Variants in TRERF1 observed in about 807,000 individuals in gnomAD.
TRERF1 encodes the protein transcriptional regulating factor 1.
A neutral mutation model predicts 122.9 loss-of-function variants in TRERF1; 27 were observed. The observed-to-expected ratio is 0.22, with a 90% CI of 0.16 to 0.30. TRERF1 has a LOEUF of 0.30. Ranked by LOEUF, TRERF1 falls within the 10% of genes least tolerant of loss-of-function variation. The probability of loss-of-function intolerance (pLI) is 1.00; values close to 1 mark genes in which losing one functional copy is unlikely to be tolerated. For missense variants in TRERF1, 1,248 were observed against 1,560.3 expected (o/e 0.80, Z 3.37); for synonymous variants, 636 against 641.7 (o/e 0.99, Z 0.13).
At chr6:42,264,892 G>A (rs1166899871) in intron 6 of TRERF1, 38 bp from the exon 7 acceptor site, 4 of 1,606,988 alleles carry the variant, frequency 2.5e-6, no homozygotes, top group African/African-American at 1.3e-5. Context: ...GGACACATAC[G>A]TTGAGGAAGG....
chr6:42,432,437 C>T (rs373221827), intron 2 of TRERF1, among the ~76,000 whole-genome samples: 8 of 151,976 alleles, frequency 5.3e-5, no homozygotes, highest in African/African-American at 9.7e-5. Context: ...ACATTTGTGG[C>T]GGTATTATTC....
intron 2 of TRERF1, among the ~76,000 whole-genome samples, chr6:42,387,407 C>T (rs1776989502): frequency 6.6e-6 from 1 of 152,200 alleles, no homozygotes; most frequent in African/African-American, 2.4e-5. Context: ...ATTCTGTAGC[C>T]CCTCCAACAT....
chr6:42,399,973 G>A (rs141072077), intron 2 of TRERF1, among the ~76,000 whole-genome samples: 1 of 152,298 alleles, frequency 6.6e-6, no homozygotes, highest in East Asian at 1.9e-4. Context: ...CAAATAGATG[G>A]AATTCTTGTA....
At chr6:42,301,452 A>T (rs1452242762) in intron 3 of TRERF1, among the ~76,000 whole-genome samples, 2 of 151,902 alleles carry the variant, frequency 1.3e-5, no homozygotes, top group East Asian at 1.9e-4. Context: ...CTGGTCTTGC[A>T]CTCCTGACCT....
At chr6:42,257,411 G>A (rs1435689043) in intron 10 of TRERF1, among the ~76,000 whole-genome samples, 2 of 152,170 alleles carry the variant, frequency 1.3e-5, no homozygotes, top group African/African-American at 4.8e-5. Flanking sequence ...ATGGCCAATG[G>A]TGCCATTTAA....
chr6:42,376,759 T>C (rs1291098218), intron 2 of TRERF1, among the ~76,000 whole-genome samples: 1 of 151,856 alleles, frequency 6.6e-6, no homozygotes, highest in Non-Finnish European at 1.5e-5. Context: ...GCCTGGATGG[T>C]CTCAATCTCT....
Position 42,263,384 on chromosome 6 carries a change from A to G in TRERF1, c.1820T>C (p.Val607Ala), listed in dbSNP as rs751987840. Residue 607 changes from valine to alanine, a missense_variant, in exon 8 of 18, where the codon GTT (valine) becomes GCT (alanine). Around this residue, in one of 5 missense-constraint regions of TRERF1, gnomAD observed 946 missense variants for 1,073.0 expected, o/e 0.88. Transcript: ENST00000372922. This position sits in a 1 kb window ranked among gnomAD's most constrained non-coding sequence, Gnocchi z 5.6. ...CTTGTCTCTGGCGGAGGGGGCGGCA[A>G]CGGTGCTGTTGGTGAACCCCTGAGA... is the stretch of plus-strand genomic sequence containing the variant. 1 of 1,612,798 alleles carries G rather than the reference A, an allele frequency of 6.2e-7. No homozygotes were observed. The highest frequency in any genetic ancestry group is 1.7e-5 in the Admixed American group (1 of 59,762).
rs1348314192 is a variant in TRERF1, at chr6:42,315,284, C to A, written c.-370-14535G>T. Among the ~76,000 whole-genome samples, 5 of 152,220 alleles carry A rather than the reference C, an allele frequency of 3.3e-5. No individual in the cohort carries two copies. The East Asian group carries it at 9.6e-4, about 29-fold the overall frequency. On this transcript the variant is annotated intron_variant, in intron 3 of 17. Transcript: ENST00000372922. Reference sequence around the variant, plus strand: ...CATCTTACAATGTGCAGGACAGTCCCTTTCAAGACAGAATTCACTAGCTCC... The same window carrying A: ...CATCTTACAATGTGCAGGACAGTCCATTTCAAGACAGAATTCACTAGCTCC...
chr6:42,375,870 G>C (rs753294256), intron 2 of TRERF1, among the ~76,000 whole-genome samples: 11 of 152,110 alleles, frequency 7.2e-5, no homozygotes, highest in Non-Finnish European at 1.3e-4. Flanking sequence ...GGCCAGAGCA[G>C]ATAAGAACCA....
intron 3 of TRERF1, among the ~76,000 whole-genome samples, chr6:42,339,560 T>C (rs537754778): frequency 5.9e-5 from 9 of 152,380 alleles, no homozygotes; most frequent in African/African-American, 2.2e-4. Context: ...AATTCTATTA[T>C]GTTGTTTCTT....
intron 4 of TRERF1, among the ~76,000 whole-genome samples, chr6:42,281,783 A>C (rs185712986): frequency 1.3e-5 from 2 of 152,354 alleles, no homozygotes; most frequent in East Asian, 3.9e-4. Flanking sequence ...CTACGCAAAC[A>C]GGAAGGAAGA....
At chr6:42,341,221 C>T (rs951130653) in intron 3 of TRERF1, among the ~76,000 whole-genome samples, 3 of 152,206 alleles carry the variant, frequency 2.0e-5, no homozygotes, top group Admixed American at 2.0e-4. Context: ...TTCCAAGCCT[C>T]GGCCATCTCA....
At position 42,226,696 on chromosome 6, in the gene TRERF1, C is replaced by T. The variant is rs1004180817; in HGVS notation, c.*1649G>A. ...GGGCTGCTGTGGCTCACAGCCAGTT[C>T]CCCCCCATGAGTGTGTGCTAAATGC... On this transcript the variant is annotated 3_prime_UTR_variant, in exon 18 of 18. Coordinates refer to ENST00000372922, the Ensembl canonical transcript of TRERF1. 16 of 152,248 alleles carry T rather than the reference C, an allele frequency of 1.1e-4. 1 individual carries two copies. Among genetic ancestry groups the T allele is most frequent in the African/African-American group, 2.9e-4 (12 of 41,532 alleles). 9.4% of individuals were successfully genotyped at this position (152,248 alleles called of 1,614,324 possible).
intron 2 of TRERF1, among the ~76,000 whole-genome samples, chr6:42,394,699 A>G (rs1488924605): frequency 6.6e-6 from 1 of 152,208 alleles, no homozygotes; most frequent in Non-Finnish European, 1.5e-5. Flanking sequence ...AAAAATTTCA[A>G]TTCAACTTTT....
intron 2 of TRERF1, among the ~76,000 whole-genome samples, chr6:42,387,088 T>G (rs531815975): frequency 1.3e-4 from 20 of 152,360 alleles, no homozygotes; most frequent in African/African-American, 4.8e-4. Context: ...GAATTAAGTC[T>G]AAATTTTTAT....
At chr6:42,363,825 C>T (rs138053045) in intron 2 of TRERF1, among the ~76,000 whole-genome samples, 75 of 152,288 alleles carry the variant, frequency 4.9e-4, no homozygotes, top group African/African-American at 1.8e-3. Flanking sequence ...AGACCCTTCC[C>T]TGGAGTCTCC....
intron 8 of TRERF1, among the ~76,000 whole-genome samples, chr6:42,261,997 C>T (rs1777971763): frequency 6.6e-6 from 1 of 151,984 alleles, no homozygotes; most frequent in Admixed American, 6.5e-5. Flanking sequence ...GGGGGGTGTG[C>T]CTGGGACTCT....
chr6:42,409,293 A>T (rs772804235), intron 2 of TRERF1, among the ~76,000 whole-genome samples: 32 of 152,150 alleles, frequency 2.1e-4, no homozygotes, highest in Admixed American at 1.4e-3. Flanking sequence ...ATAAATAAAT[A>T]AATGTCTTCC....
intron 3 of TRERF1, among the ~76,000 whole-genome samples, chr6:42,328,441 T>C (rs913530976): frequency 6.6e-6 from 1 of 152,192 alleles, no homozygotes; most frequent in Non-Finnish European, 1.5e-5. Context: ...TATTTTATCA[T>C]CCAGGCACTA....
Sources: gnomAD v4.1 joint callset for allele counts (sites outside exome capture counted in the v4.1 genomes callset) on GRCh38, gnomAD v4.1.1 for gene constraint, gnomAD v4.1.1 regional missense constraint, Gnocchi (gnomAD v3.1) non-coding constraint, MANE v1.5 for transcripts, NCBI Gene and HGNC (gene_info 2026-07-23, HGNC 2026-07-21) for gene names.